The following PDZK1 variants were observed in gnomAD, a reference collection of about 807,000 sequenced individuals.
PDZK1 encodes the protein PDZ domain containing 1, also known as Na(+)/H(+) exchange regulatory cofactor NHE-RF3.
In PDZK1, 23 loss-of-function variants were observed where a neutral mutation model predicts 38.1. That is an observed-to-expected ratio of 0.60 (90% CI 0.43 to 0.85). The LOEUF (loss-of-function observed/expected upper bound fraction) is 0.85, where lower values mean the gene tolerates loss of function less well. PDZK1 is among the 40% of genes least tolerant of loss of function. The probability of loss-of-function intolerance (pLI) is 0.00; values close to 1 mark genes in which losing one functional copy is unlikely to be tolerated. For synonymous variants in PDZK1, 98 were observed against 186.2 expected, an observed-to-expected ratio of 0.53 and a Z score of 3.86; for missense variants, 297 against 504.3, an observed-to-expected ratio of 0.59 and a Z score of 3.94.
chr1:145,683,025 T>C (rs1654417914), intron 3 of PDZK1, among the ~76,000 whole-genome samples: 1 of 152,248 alleles, frequency 6.6e-6, no homozygotes, highest in Non-Finnish European at 1.5e-5. Context: ...TTTGCCTGCC[T>C]TGTCCTTTGG....
Position 145,671,211 on chromosome 1 carries a change from T to C in PDZK1, c.*225A>G, listed in dbSNP as rs1440369010. 4.0e-5 allele frequency: 43 copies of C among 1,085,256 alleles called. No individual in the cohort carries two copies. Among genetic ancestry groups the C allele is most frequent in the Non-Finnish European group, 5.1e-5 (42 of 825,004 alleles). The allele number at this position is 1,085,256 out of a possible 1,614,324, so 67.2% of individuals were successfully genotyped here. A position where few individuals can be genotyped will look rare whatever the true frequency, so the allele number is the denominator to read the frequency against. On this transcript the variant is annotated 3_prime_UTR_variant, in exon 9 of 9. Transcript: ENST00000417171. ...AAAGATCACATGAAAAAAATCTAGCTCTTGCCTTATCTCTTCCTAAGTTAA... is the reference window on the plus strand; with the variant it reads ...AAAGATCACATGAAAAAAATCTAGCCCTTGCCTTATCTCTTCCTAAGTTAA...
chr1:145,672,467 C>G (rs1553698133), intron 8 of PDZK1, among the ~76,000 whole-genome samples: 2 of 150,244 alleles, frequency 1.3e-5, no homozygotes, highest in Non-Finnish European at 3.0e-5. Flanking sequence ...TGGGGGTTCC[C>G]ATTACAATAC....
At position 145,706,643 on chromosome 1, in the gene PDZK1, AC is replaced by A. The variant is rs1656265867; in HGVS notation, c.-3+673del. ...GAGTCTTCTGCTTAAGAAATAAACT[AC>A]TAGTGGTTCCCAAACCTACCTGCAC... On this transcript the variant is annotated intron_variant, in intron 1 of 8. Transcript: ENST00000417171. 3.9e-5 allele frequency among the ~76,000 whole-genome samples: 6 copies of A among 152,292 alleles called. No homozygotes were observed. The South Asian group carries it at 1.2e-3, about 32-fold the overall frequency.
At chr1:145,684,972 C>A (rs1330486314) in intron 3 of PDZK1, among the ~76,000 whole-genome samples, 1 of 148,280 alleles carries the variant, frequency 6.7e-6, no homozygotes, top group Non-Finnish European at 1.5e-5. Context: ...ACTTTAATAC[C>A]GTGACAGTTG....
chr1:145,702,786 G>C (rs587720733), intron 1 of PDZK1, among the ~76,000 whole-genome samples: 2 of 152,096 alleles, frequency 1.3e-5, no homozygotes, highest in African/African-American at 2.4e-5. Context: ...CAAGCTACTC[G>C]GGAGGCTGAG....
intron 5 of PDZK1, among the ~76,000 whole-genome samples, chr1:145,679,580 G>A (rs1553699927): frequency 6.6e-6 from 1 of 151,874 alleles, no homozygotes. Flanking sequence ...GATCCATCTT[G>A]GTGCACATTC....
In PDZK1 at chr1:145,686,742, A is replaced by G. The variant is rs782065143; in HGVS notation, c.211-16T>C. 7.3e-7 allele frequency: 1 copy of G among 1,370,734 alleles called. No individual in the cohort carries two copies. The allele number at this position is 1,370,734 out of a possible 1,614,324, so 84.9% of individuals were successfully genotyped here. On this transcript the variant is annotated splice_polypyrimidine_tract_variant and intron_variant, in intron 2 of 8. Transcript: ENST00000417171. ...GATCCACAACCTAGGAGGGAAGAAG[A>G]AAAAGGTAACTTTAATAACCCTCTG...
chr1:145,678,882 C>T (rs1353847293), intron 5 of PDZK1, among the ~76,000 whole-genome samples: 6 of 148,904 alleles, frequency 4.0e-5, no homozygotes, highest in African/African-American at 7.4e-5. Flanking sequence ...GGGGTCTTAA[C>T]GAAAATAATC....
Position 145,690,748 on chromosome 1 carries a change from C to T in PDZK1, c.-2-2725G>A, listed in dbSNP as rs1219995233. 2.0e-5 allele frequency among the ~76,000 whole-genome samples: 3 copies of T among 152,192 alleles called. No individual in the cohort carries two copies. In the East Asian group the frequency reaches 5.8e-4, roughly 29 times the overall value. On this transcript the variant is annotated intron_variant, in intron 1 of 8. Transcript: ENST00000417171. ...AAGGATAGAAAGTGAAACCTCCTCACTAGGAGAACCAGCCCTGTGTTTGGA... is the reference window on the plus strand; with the variant it reads ...AAGGATAGAAAGTGAAACCTCCTCATTAGGAGAACCAGCCCTGTGTTTGGA...
chr1:145,675,958 C>T (rs1553699162), intron 6 of PDZK1, among the ~76,000 whole-genome samples: 1 of 151,818 alleles, frequency 6.6e-6, no homozygotes, highest in African/African-American at 2.4e-5. Flanking sequence ...GCAGAGGTTC[C>T]AGTGAGCTGA....
intron 7 of PDZK1, among the ~76,000 whole-genome samples, chr1:145,673,342 G>A (rs1200857084): frequency 6.6e-6 from 1 of 151,858 alleles, no homozygotes; most frequent in East Asian, 1.9e-4. Context: ...ACAGGGTAAG[G>A]GGCATTATGC....
chr1:145,703,130 T>G (rs1656061223), intron 1 of PDZK1, among the ~76,000 whole-genome samples: 1 of 152,176 alleles, frequency 6.6e-6, no homozygotes, highest in Non-Finnish European at 1.5e-5. Flanking sequence ...AATTTTAGAT[T>G]ATATACGAAT....
Position 145,684,492 on chromosome 1 carries a change from G to A in PDZK1, c.461-1856C>T, listed in dbSNP as rs180831480. Among the ~76,000 whole-genome samples, 30 of 152,288 alleles carry A rather than the reference G, an allele frequency of 2.0e-4. No individual in the cohort carries two copies. In the East Asian group the frequency reaches 5.8e-3, roughly 29 times the overall value. On this transcript the variant is annotated intron_variant, in intron 3 of 8. Coordinates refer to ENST00000417171, the MANE Select transcript of PDZK1 (RefSeq NM_001201325.2). ...CAAAGTGCTGGGATTACAGGCGTGA[G>A]CCACTGCGCCCGGCCTGAGCTATTA...
At chr1:145,683,916 G>C (rs2101895585) in intron 3 of PDZK1, among the ~76,000 whole-genome samples, 1 of 150,406 alleles carries the variant, frequency 6.6e-6, no homozygotes, top group South Asian at 2.1e-4. Flanking sequence ...CCGCAATCTT[G>C]GCTCACAGCA....
intron 1 of PDZK1, among the ~76,000 whole-genome samples, chr1:145,701,935 C>G (rs1197922895): frequency 6.6e-6 from 1 of 152,180 alleles, no homozygotes; most frequent in Non-Finnish European, 1.5e-5. Flanking sequence ...TTCAAATACT[C>G]AAGTATATTT....
At chr1:145,699,542 G>A (rs587709411) in intron 1 of PDZK1, among the ~76,000 whole-genome samples, 1 of 152,286 alleles carries the variant, frequency 6.6e-6, no homozygotes, top group Admixed American at 6.5e-5. Context: ...TTTGGGATTG[G>A]GAAGATGAAA....
At chr1:145,693,023 G>C (rs782722777) in intron 1 of PDZK1, among the ~76,000 whole-genome samples, 42 of 152,204 alleles carry the variant, frequency 2.8e-4, no homozygotes, top group Admixed American at 5.2e-4. Context: ...AAAAAGAAAA[G>C]AAAAGGAATT....
intron 1 of PDZK1, among the ~76,000 whole-genome samples, chr1:145,702,521 A>T (rs868907210): frequency 1.3e-5 from 2 of 152,058 alleles, no homozygotes; most frequent in Admixed American, 1.3e-4. Flanking sequence ...CTACTACAAG[A>T]GTCTTGCCTC....
At chr1:145,671,766 C>G (rs1653082862) in intron 8 of PDZK1, 1 of 355,140 alleles carries the variant, frequency 2.8e-6, no homozygotes, top group African/African-American at 2.1e-5. Flanking sequence ...TTTCAACTTG[C>G]TGTTTGACAC....
Sources: gnomAD v4.1 joint callset for allele counts (sites outside exome capture counted in the v4.1 genomes callset) on GRCh38, gnomAD v4.1.1 for gene constraint, MANE v1.5 for transcripts, NCBI Gene and HGNC (gene_info 2026-07-23, HGNC 2026-07-21) for gene names.